The following AIF1L variants were observed in gnomAD, a reference collection of about 807,000 sequenced individuals.
AIF1L encodes the protein allograft inflammatory factor 1-like.
A neutral mutation model predicts 20.7 loss-of-function variants in AIF1L; 12 were observed. The ratio of observed to expected loss-of-function variants is 0.58; its 90% CI spans 0.37 to 0.94. The LOEUF (loss-of-function observed/expected upper bound fraction) is 0.94, where lower values mean the gene tolerates loss of function less well. AIF1L is among the 40% of genes least tolerant of loss of function. The probability of loss-of-function intolerance (pLI) is 0.01; values close to 1 mark genes in which losing one functional copy is unlikely to be tolerated. For synonymous variants in AIF1L, 76 were observed against 65.1 expected, an observed-to-expected ratio of 1.17 and a Z score of -0.81; for missense variants, 173 against 185.3, an observed-to-expected ratio of 0.93 and a Z score of 0.39.
At chr9:131,100,352 G>A (rs908245923) in intron 2 of AIF1L, among the ~76,000 whole-genome samples, 6 of 152,224 alleles carry the variant, frequency 3.9e-5, no homozygotes, top group African/African-American at 1.2e-4. Flanking sequence ...GTAGTTTTCT[G>A]AACACTTGGT....
At chr9:131,103,115 TGGG>T (rs1830673815) in intron 2 of AIF1L, 5 of 393,222 alleles carry the variant, frequency 1.3e-5, no homozygotes, top group South Asian at 9.1e-5. Context: ...GCATAGCACT[TGGG>T]GGCCTCGCTG....
At chr9:131,104,997 A>G (rs1830715185) in intron 2 of AIF1L, among the ~76,000 whole-genome samples, 1 of 151,402 alleles carries the variant, frequency 6.6e-6, no homozygotes, top group South Asian at 2.1e-4. Context: ...CTTTTCTTCC[A>G]AACACCTGGG....
At position 131,096,539 on chromosome 9, in the gene AIF1L, C is replaced by A; in HGVS notation, c.-91C>A. The A allele has an allele frequency of 7.0e-7, 1 of 1,430,174 alleles. No individual in the cohort carries two copies. The allele number at this position is 1,430,174 out of a possible 1,614,324, so 88.6% of individuals were successfully genotyped here. A position where few individuals can be genotyped will look rare whatever the true frequency, so the allele number is the denominator to read the frequency against. On this transcript the variant is annotated 5_prime_UTR_variant, in exon 1 of 6. Coordinates refer to ENST00000247291, the MANE Select transcript of AIF1L (RefSeq NM_031426.4). Reference sequence around the variant, plus strand: ...CCCTCGGTCCCGCGGCCACACGCAGCTAGCCGGAGCCCGGACCAGGCGCCT... The same window carrying A: ...CCCTCGGTCCCGCGGCCACACGCAGATAGCCGGAGCCCGGACCAGGCGCCT...
intron 4 of AIF1L, among the ~76,000 whole-genome samples, chr9:131,115,279 A>G (rs1376397041): frequency 1.3e-5 from 2 of 151,786 alleles, no homozygotes; most frequent in Non-Finnish European, 1.5e-5. Flanking sequence ...ACGAAATCCC[A>G]TCTCTACTAA....
intron 2 of AIF1L, among the ~76,000 whole-genome samples, chr9:131,108,867 G>T (rs62583162): frequency 2.9e-4 from 44 of 152,322 alleles, no homozygotes; most frequent in Admixed American, 2.2e-3. Context: ...TAGTAAAAAG[G>T]GAGACTGAGA....
chr9:131,107,189 GGCAGGGTGCACAGCTAGT>G (rs1202823371), intron 2 of AIF1L, among the ~76,000 whole-genome samples: 4 of 152,230 alleles, frequency 2.6e-5, no homozygotes, highest in Non-Finnish European at 5.9e-5. Flanking sequence ...GTGGACTCCA[GGCAGGGTGCACAGCTAGT>G]GCAGGGTGCA....
intron 3 of AIF1L, among the ~76,000 whole-genome samples, chr9:131,113,172 G>A (rs1564167908): frequency 2.0e-5 from 3 of 152,134 alleles, no homozygotes; most frequent in Middle Eastern, 3.4e-3. Flanking sequence ...GAGGACAGGA[G>A]TGCTCAGCTG....
At position 131,121,533 on chromosome 9, in the gene AIF1L, G is replaced by C. The variant is rs939536435; in HGVS notation, c.*1211G>C. On this transcript the variant is annotated 3_prime_UTR_variant, in exon 6 of 6. Transcript: ENST00000247291. ...TTCTCATTTCACAGGTGAGGAGACT[G>C]GTGCCCCACAGGGATTAAGTGCCTT... 2 of 161,926 alleles carry C rather than the reference G, an allele frequency of 1.2e-5. No individual in the cohort carries two copies. The highest frequency in any genetic ancestry group is 2.7e-5 in the Non-Finnish European group (2 of 74,234). The allele number at this position is 161,926 out of a possible 1,614,324, so 10.0% of individuals were successfully genotyped here. A position where few individuals can be genotyped will look rare whatever the true frequency, so the allele number is the denominator to read the frequency against.
At chr9:131,103,489 A>G (rs1239465013) in intron 2 of AIF1L, among the ~76,000 whole-genome samples, 1 of 152,164 alleles carries the variant, frequency 6.6e-6, no homozygotes, top group Non-Finnish European at 1.5e-5. Context: ...GTGTACTAGG[A>G]GCCAGGCTCC....
At chr9:131,111,158 A>G (rs1260340243) in intron 2 of AIF1L, among the ~76,000 whole-genome samples, 5 of 142,488 alleles carry the variant, frequency 3.5e-5, no homozygotes, top group Non-Finnish European at 7.7e-5. Context: ...CCTGGGGGAC[A>G]AGAGCAAGAC....
chr9:131,118,091 T>C (rs1329837822), intron 5 of AIF1L, among the ~76,000 whole-genome samples, 173 bp downstream of exon 5: 2 of 152,066 alleles, frequency 1.3e-5, no homozygotes, highest in African/African-American at 2.4e-5. Context: ...GTCAATTGTT[T>C]GTTTGTTTTT....
chr9:131,104,075 C>T (rs1022480701), intron 2 of AIF1L, among the ~76,000 whole-genome samples: 2 of 152,200 alleles, frequency 1.3e-5, no homozygotes, highest in Non-Finnish European at 2.9e-5. Flanking sequence ...TCCCCGGGGA[C>T]TGAAAAGTGG....
At chr9:131,104,213 C>T (rs1275831149) in intron 2 of AIF1L, among the ~76,000 whole-genome samples, 1 of 152,204 alleles carries the variant, frequency 6.6e-6, no homozygotes, top group Non-Finnish European at 1.5e-5. Context: ...ACTTTCAGGG[C>T]CCAGAGGCCC....
At chr9:131,097,964 C>G (rs1287067557) in intron 2 of AIF1L, among the ~76,000 whole-genome samples, 1 of 152,252 alleles carries the variant, frequency 6.6e-6, no homozygotes, top group Non-Finnish European at 1.5e-5. Flanking sequence ...CTTGGCATTC[C>G]CCCTGCAGGC....
chr9:131,110,965 C>T (rs1040171751), intron 2 of AIF1L, among the ~76,000 whole-genome samples: 5 of 151,380 alleles, frequency 3.3e-5, no homozygotes, highest in African/African-American at 1.2e-4. Flanking sequence ...CAACTGAGGT[C>T]AGGAGTTCGA....
intron 2 of AIF1L, among the ~76,000 whole-genome samples, chr9:131,106,027 C>G (rs138864611): frequency 0.011 from 1,675 of 152,246 alleles, 107 homozygotes; most frequent in Admixed American, 0.096. Flanking sequence ...CTATGTTGCT[C>G]AGGCTGACTT....
chr9:131,106,442 G>A (rs1265122756), intron 2 of AIF1L, among the ~76,000 whole-genome samples: 1 of 152,194 alleles, frequency 6.6e-6, no homozygotes, highest in African/African-American at 2.4e-5. Flanking sequence ...CTGGATAAGG[G>A]CGATTGGAAG....
At chr9:131,097,749 T>C (rs1830558232) in intron 2 of AIF1L, among the ~76,000 whole-genome samples, 2 of 152,226 alleles carry the variant, frequency 1.3e-5, no homozygotes, top group Admixed American at 1.3e-4. Context: ...TGGCCTCCAC[T>C]GTGTGCCAGC....
At chr9:131,111,813 G>A (rs1488184766) in intron 3 of AIF1L, 150 bp downstream of exon 3, 5 of 812,598 alleles carry the variant, frequency 6.2e-6, no homozygotes, top group Non-Finnish European at 9.8e-6. Flanking sequence ...CTTGGAGACA[G>A]GGACCCCCTG....
Sources: allele counts gnomAD v4.1 joint callset (sites outside exome capture counted in the v4.1 genomes callset), GRCh38; gene constraint gnomAD v4.1.1; transcripts MANE v1.5; gene names NCBI Gene and HGNC (gene_info 2026-07-23, HGNC 2026-07-21).